The following CFAP70 variants were observed in gnomAD, a reference collection of about 807,000 sequenced individuals.
CFAP70 encodes the protein cilia- and flagella-associated protein 70.
In CFAP70, 81 loss-of-function variants were observed where a neutral mutation model predicts 137.6. The observed-to-expected ratio is 0.59, with a 90% CI of 0.49 to 0.71. CFAP70 has a LOEUF of 0.71. Ranked by LOEUF, CFAP70 falls within the 30% of genes least tolerant of loss-of-function variation. The probability of loss-of-function intolerance (pLI) is 0.00; values close to 1 mark genes in which losing one functional copy is unlikely to be tolerated. For synonymous variants in CFAP70, 382 were observed against 423.6 expected, an observed-to-expected ratio of 0.90 and a Z score of 1.20; for missense variants, 976 against 1,226.7, an observed-to-expected ratio of 0.80 and a Z score of 3.05.
rs1198579262 is a variant in CFAP70, at chr10:73,339,689, C to T, written c.582+1710G>A. 2.0e-5 allele frequency among the ~76,000 whole-genome samples: 3 copies of T among 152,360 alleles called. No individual in the cohort carries two copies. In the East Asian group the frequency reaches 5.8e-4, roughly 29 times the overall value. On this transcript the variant is annotated intron_variant, in intron 6 of 26. Transcript: ENST00000310715. ...CAGCAGAGCCGGCAGCTCCAGGCGTCAGCACAGGTGCCAGCTCCCTGCGAG... is the reference window on the plus strand; with the variant it reads ...CAGCAGAGCCGGCAGCTCCAGGCGTTAGCACAGGTGCCAGCTCCCTGCGAG...
chr10:73,308,500 T>C (rs909479131), intron 12 of CFAP70, among the ~76,000 whole-genome samples: 1 of 151,190 alleles, frequency 6.6e-6, no homozygotes, highest in Admixed American at 6.6e-5. Context: ...TGATGGCACA[T>C]GCCTGTAATC....
intron 5 of CFAP70, among the ~76,000 whole-genome samples, chr10:73,342,813 A>T (rs1253954078): frequency 6.6e-6 from 1 of 151,906 alleles, no homozygotes; most frequent in East Asian, 1.9e-4. Flanking sequence ...ACGGTGGCTC[A>T]CACCTGTAAT....
chr10:73,282,744 T>G (rs1466153121), intron 19 of CFAP70, among the ~76,000 whole-genome samples: 5 of 152,064 alleles, frequency 3.3e-5, no homozygotes, highest in African/African-American at 1.2e-4. Context: ...ATTTTCAAAT[T>G]TCCCTGTGAC....
chr10:73,299,366 C>T (rs1184477698), intron 13 of CFAP70, among the ~76,000 whole-genome samples: 1 of 152,134 alleles, frequency 6.6e-6, no homozygotes, highest in Non-Finnish European at 1.5e-5. Flanking sequence ...TGCCACCACA[C>T]CCAGTAATAC....
intron 25 of CFAP70, among the ~76,000 whole-genome samples, chr10:73,262,061 GTATATATGTATATAT>G (rs1388929453): frequency 1.6e-5 from 2 of 128,112 alleles, no homozygotes; most frequent in Non-Finnish European, 1.6e-5. Context: ...TATTATATAT[GTATATATGTATATAT>G]TATATATGTA....
rs371005565 is a variant in CFAP70, at chr10:73,320,867, A to C, written c.912+2096T>G. Among the ~76,000 whole-genome samples, 17 of 152,056 alleles carry C rather than the reference A, an allele frequency of 1.1e-4. No individual in the cohort carries two copies. In the South Asian group the frequency reaches 3.5e-3, roughly 32 times the overall value. Reference sequence around the variant, plus strand: ...TTTTTAGTAAAGACAGGGTTTCACCATGTTGGCCAGGATGGTCTCAAGCTC... The same window carrying C: ...TTTTTAGTAAAGACAGGGTTTCACCCTGTTGGCCAGGATGGTCTCAAGCTC... On this transcript the variant is annotated intron_variant, in intron 9 of 26. Transcript: ENST00000310715.
intron 6 of CFAP70, among the ~76,000 whole-genome samples, chr10:73,338,945 G>A (rs112753869): frequency 2.1e-5 from 3 of 146,078 alleles, no homozygotes; most frequent in Admixed American, 6.8e-5. Context: ...TTTGAGACAC[G>A]GTCTCGCTCT....
chr10:73,360,699 A>G (rs773689560), upstream of CFAP70, among the ~76,000 whole-genome samples: 1 of 152,218 alleles, frequency 6.6e-6, no homozygotes, highest in Admixed American at 6.5e-5. Flanking sequence ...CTACTGTGGC[A>G]CTACTGAGTA....
intron 2 of CFAP70, among the ~76,000 whole-genome samples, chr10:73,354,094 A>T (rs1384178375): frequency 1.3e-5 from 2 of 152,206 alleles, no homozygotes; most frequent in East Asian, 3.8e-4. Flanking sequence ...ATCTCAGCTC[A>T]CTGCAAGCTA....
intron 16 of CFAP70, 38 bp from the exon 18 acceptor site, chr10:73,292,052 G>GT: frequency 1.9e-6 from 3 of 1,609,046 alleles, no homozygotes; most frequent in Non-Finnish European, 2.5e-6. Context: ...GTGATACTAT[G>GT]TCCTATTTTT....
At chr10:73,321,087 A>G (rs541119428) in intron 9 of CFAP70, among the ~76,000 whole-genome samples, 13 of 152,342 alleles carry the variant, frequency 8.5e-5, no homozygotes, top group African/African-American at 2.9e-4. Flanking sequence ...GTTTTCATGA[A>G]TATGAGATTT....
At chr10:73,271,082 C>A (rs927567908) in intron 24 of CFAP70, among the ~76,000 whole-genome samples, 2 of 152,206 alleles carry the variant, frequency 1.3e-5, no homozygotes, top group Non-Finnish European at 2.9e-5. Flanking sequence ...ATCAACCGAG[C>A]CCCGGAGGCA....
At chr10:73,315,638 G>A (rs2132132326) in intron 9 of CFAP70, among the ~76,000 whole-genome samples, 1 of 152,218 alleles carries the variant, frequency 6.6e-6, no homozygotes, top group South Asian at 2.1e-4. Flanking sequence ...ACAGCTCATT[G>A]CAGCCTTGAT....
intron 19 of CFAP70, among the ~76,000 whole-genome samples, chr10:73,287,441 G>A (rs1187448038): frequency 6.6e-6 from 1 of 152,154 alleles, no homozygotes; most frequent in African/African-American, 2.4e-5. Flanking sequence ...ACATTTTTAT[G>A]TGTATGAAAA....
chr10:73,329,039 A>T (rs1479251859), intron 8 of CFAP70, among the ~76,000 whole-genome samples: 4 of 151,916 alleles, frequency 2.6e-5, no homozygotes, highest in African/African-American at 9.7e-5. Context: ...ACACATGCAC[A>T]CATATGTTTA....
At chr10:73,315,366 T>A (rs1319491273) in intron 9 of CFAP70, among the ~76,000 whole-genome samples, 3 of 152,234 alleles carry the variant, frequency 2.0e-5, no homozygotes, top group African/African-American at 7.2e-5. Flanking sequence ...TGTATACATA[T>A]ACCACATTTT....
At chr10:73,287,020 G>A (rs1280856780) in intron 19 of CFAP70, among the ~76,000 whole-genome samples, 1 of 152,164 alleles carries the variant, frequency 6.6e-6, no homozygotes, top group African/African-American at 2.4e-5. Context: ...CCTCATTCCA[G>A]TAAACTCACA....
chr10:73,299,449 G>A, intron 13 of CFAP70, 156 bp downstream of exon 14: 1 of 635,764 alleles, frequency 1.6e-6, no homozygotes. Context: ...TATGCTATAT[G>A]CCATTGATCA....
At chr10:73,321,741 C>T (rs938589381) in intron 9 of CFAP70, among the ~76,000 whole-genome samples, 11 of 152,026 alleles carry the variant, frequency 7.2e-5, no homozygotes, top group African/African-American at 2.7e-4. Context: ...ACATGGATTT[C>T]AGTTTTTCCA....
Sources: allele counts gnomAD v4.1 joint callset (sites outside exome capture counted in the v4.1 genomes callset), GRCh38; gene constraint gnomAD v4.1.1; transcripts MANE v1.5; gene names NCBI Gene and HGNC (gene_info 2026-07-23, HGNC 2026-07-21).